Variants in GALNT6 observed in about 807,000 individuals in gnomAD.
GALNT6 encodes the protein GalNAc transferase 6.
In GALNT6, 51 loss-of-function variants were observed where a neutral mutation model predicts 65.9. That is an observed-to-expected ratio of 0.77 (90% confidence interval 0.62 to 0.98). GALNT6 has a LOEUF of 0.98. Ranked by LOEUF, GALNT6 falls within the 50% of genes least tolerant of loss-of-function variation. The pLI is 0.00. For missense variants in GALNT6, 708 were observed against 803.3 expected (o/e 0.88, Z 1.43); for synonymous variants, 323 against 315.1 (o/e 1.02, Z -0.26).
chr12:51,389,169 C>A (rs1947933522), intron 2 of GALNT6, among the ~76,000 whole-genome samples: 1 of 152,200 alleles, frequency 6.6e-6, no homozygotes, highest in African/African-American at 2.4e-5. Flanking sequence ...CAGAAAGGGG[C>A]AGAGGACTGT....
At chr12:51,384,355 TA>T (rs1324135591) in intron 2 of GALNT6, among the ~76,000 whole-genome samples, 2 of 152,178 alleles carry the variant, frequency 1.3e-5, no homozygotes, top group Non-Finnish European at 2.9e-5. Flanking sequence ...TATTATAAAA[TA>T]AATTCAGAGT....
At chr12:51,378,929 C>G (rs1419948388) in intron 3 of GALNT6, among the ~76,000 whole-genome samples, 1 of 150,126 alleles carries the variant, frequency 6.7e-6, no homozygotes, top group Non-Finnish European at 1.5e-5. Context: ...GTCTCTGGAG[C>G]AGGCCTCAGT....
chr12:51,354,212 T>C lies in GALNT6; in HGVS notation c.*167A>G, dbSNP rs1043433080. The C allele has an allele frequency of 1.9e-5, 10 of 528,874 alleles. No homozygotes were observed. The highest frequency in any genetic ancestry group is 3.3e-5 in the Non-Finnish European group (10 of 302,294). The allele number at this position is 528,874 out of a possible 1,614,324, so 32.8% of individuals were successfully genotyped here. ...TTCCATCGGTGTGAAGGAAAGAAAATGGGCCCAATGTTGTTGCAAGGATTA... is the reference window on the plus strand; with the variant it reads ...TTCCATCGGTGTGAAGGAAAGAAAACGGGCCCAATGTTGTTGCAAGGATTA... On this transcript the variant is annotated 3_prime_UTR_variant, in exon 12 of 12. Transcript: ENST00000356317.
chr12:51,375,946 C>G (rs534061700), intron 4 of GALNT6, among the ~76,000 whole-genome samples: 1 of 151,932 alleles, frequency 6.6e-6, no homozygotes, highest in Non-Finnish European at 1.5e-5. Context: ...CTGCAGCCTA[C>G]GCCTCCCGGG....
intron 4 of GALNT6, among the ~76,000 whole-genome samples, chr12:51,376,076 G>A (rs1426627814): frequency 2.6e-5 from 4 of 151,942 alleles, no homozygotes; most frequent in African/African-American, 9.7e-5. Context: ...TGTTGGCCAG[G>A]CTGGTCTCAA....
At position 51,358,144 on chromosome 12, in the gene GALNT6, T is replaced by C. The variant is rs764973245; in HGVS notation, c.1486A>G (p.Thr496Ala). The C allele has an allele frequency of 4.3e-6, 7 of 1,613,500 alleles. No individual in the cohort carries two copies. In the African/African-American group the frequency reaches 9.4e-5, roughly 22 times the overall value. Residue 496 changes from threonine (T) to alanine (A), a missense_variant, in exon 9 of 12, where the codon ACC becomes GCC. Physicochemically the swap from Thr to Ala is moderately conservative, Grantham distance 58. Coordinates refer to ENST00000356317, the MANE Select transcript of GALNT6 (RefSeq NM_007210.4). ...PEMFVPDLTP[T>A]FYGAIKNLGT... ...TCAAGACTTACGGCACCATAGAAGG[T>C]GGGCGTCAGGTCAGGAACAAACATC...
chr12:51,362,472 T>C (rs1005257919), intron 6 of GALNT6, among the ~76,000 whole-genome samples: 5 of 152,078 alleles, frequency 3.3e-5, no homozygotes, highest in African/African-American at 1.2e-4. Flanking sequence ...AAGCCATGCA[T>C]GCTACCGGGG....
At chr12:51,371,861 T>TTG (rs373912038) in intron 4 of GALNT6, among the ~76,000 whole-genome samples, 3 of 151,802 alleles carry the variant, frequency 2.0e-5, no homozygotes, top group Non-Finnish European at 2.9e-5. Flanking sequence ...ACAGTCCTGT[T>TTG]TGTGTGTGTG....
chr12:51,378,891 C>G (rs2042866), intron 3 of GALNT6, among the ~76,000 whole-genome samples: 22,025 of 146,770 alleles, frequency 0.15, 2,089 homozygotes, highest in African/African-American at 0.23. Flanking sequence ...CACCCCCCCC[C>G]CAAACAGCTC....
At chr12:51,375,227 C>T (rs1947413171) in intron 4 of GALNT6, among the ~76,000 whole-genome samples, 1 of 152,148 alleles carries the variant, frequency 6.6e-6, no homozygotes, top group Non-Finnish European at 1.5e-5. Context: ...GCTTCAGCCA[C>T]ACCAGATCTC....
chr12:51,362,204 T>A (rs1290381432), intron 6 of GALNT6, among the ~76,000 whole-genome samples: 1 of 151,828 alleles, frequency 6.6e-6, no homozygotes, highest in African/African-American at 2.4e-5. Flanking sequence ...AGGCCCTGAG[T>A]CTTGTCTTTG....
At position 51,379,839 on chromosome 12, in the gene GALNT6, G is replaced by A; in HGVS notation, c.-58C>T. On this transcript the variant is annotated 5_prime_UTR_variant, in exon 3 of 12. It introduces an in-frame stop codon into an upstream open reading frame of the 5' UTR. Transcript: ENST00000356317. The stretch of plus-strand genomic sequence containing the variant: ...AGCTCTGAGTCCTGAGCCCAACCCT[G>A]GAGATAGCTTGATACGTTGTGGTGG... 1.3e-6 allele frequency: 2 copies of A among 1,513,274 alleles called. No individual in the cohort carries two copies. Among genetic ancestry groups the A allele is most frequent in the Non-Finnish European group, 8.8e-7 (1 of 1,132,090 alleles). The allele number at this position is 1,513,274 out of a possible 1,614,324, so 93.7% of individuals were successfully genotyped here. A position where few individuals can be genotyped will look rare whatever the true frequency, so the allele number is the denominator to read the frequency against.
rs1261129622 is a variant in GALNT6 at position 51,379,461 on chromosome 12, T to C, written c.321A>G (p.Pro107=). The change falls in exon 3 of 12, where the codon CCA becomes CCG. Residue 107 remains proline (P), a synonymous_variant. Transcript: ENST00000356317. ...CTGCCCCAGGGGCATTGGGGTCCTG[T>C]GGTGGCCGTTCCCAGAAGGGCTTCA... is the stretch of plus-strand genomic sequence containing the variant. ...AELKPFWERP[P]QDPNAPGADG... The C allele has an allele frequency of 3.1e-6, 5 of 1,614,014 alleles. No homozygotes were observed. The highest frequency in any genetic ancestry group is 2.2e-5 in the East Asian group (1 of 44,892).
intron 11 of GALNT6, among the ~76,000 whole-genome samples, chr12:51,354,717 A>T (rs969598496): frequency 2.0e-5 from 3 of 152,090 alleles, no homozygotes; most frequent in Non-Finnish European, 2.9e-5. Flanking sequence ...AGTGGATGAA[A>T]TGGTGAAAGA....
chr12:51,380,085 A>G (rs963393289), intron 2 of GALNT6, among the ~76,000 whole-genome samples: 7 of 152,204 alleles, frequency 4.6e-5, no homozygotes, highest in African/African-American at 1.7e-4. Context: ...AGATCCTAAT[A>G]TGCATGGATC....
At chr12:51,354,740 C>T (rs1482048670) in intron 11 of GALNT6, among the ~76,000 whole-genome samples, 2 of 152,142 alleles carry the variant, frequency 1.3e-5, no homozygotes, top group African/African-American at 4.8e-5. Flanking sequence ...AGACCATGGG[C>T]TGAGAGAAAA....
intron 2 of GALNT6, among the ~76,000 whole-genome samples, chr12:51,389,651 TACTC>T (rs1382341493): frequency 2.0e-5 from 3 of 152,214 alleles, no homozygotes; most frequent in Admixed American, 6.5e-5. Flanking sequence ...GCCTTCATGA[TACTC>T]ACTGCCTCCC....
chr12:51,383,171 G>T (rs565564122), intron 2 of GALNT6, among the ~76,000 whole-genome samples: 36 of 152,338 alleles, frequency 2.4e-4, no homozygotes, highest in African/African-American at 7.9e-4. Context: ...TGGGGATTCA[G>T]TGTAGCAGGA....
Position 51,377,237 on chromosome 12 carries a change from A to G in GALNT6, c.622T>C (p.Leu208=). Reference sequence around the variant, plus strand: ...TCCACCAGTATGATCTCCTTGAGCAAGATGGCAGGGGTGGTGTGTAGGACG... The same window carrying G: ...TCCACCAGTATGATCTCCTTGAGCAGGATGGCAGGGGTGGTGTGTAGGACG... The part of the protein sequence containing the change: ...YSVLHTTPAI[L]LKEIILVDDA... Residue 208 remains leucine (L), a synonymous_variant, in exon 4 of 12, where the codon TTG becomes CTG. Coordinates refer to ENST00000356317, the MANE Select transcript of GALNT6 (RefSeq NM_007210.4). 1 of 1,613,920 alleles carries G rather than the reference A, an allele frequency of 6.2e-7. No homozygotes were observed. The highest frequency in any genetic ancestry group is 8.5e-7 in the Non-Finnish European group (1 of 1,180,022).
Sources: gnomAD v4.1 joint callset for allele counts (sites outside exome capture counted in the v4.1 genomes callset) on GRCh38, gnomAD v4.1.1 for gene constraint, MANE v1.5 for transcripts, NCBI Gene and HGNC (gene_info 2026-07-23, HGNC 2026-07-21) for gene names.